The following UGT1A8 variants were observed in gnomAD, a reference collection of about 807,000 sequenced individuals.
The protein encoded by UGT1A8 is UDP glucuronosyltransferase family 1 member A8, also known as UDP-glucuronosyltransferase 1A8.
In UGT1A8, 39 loss-of-function variants were observed where a neutral mutation model predicts 45.3. The observed-to-expected ratio is 0.86, with a 90% CI of 0.67 to 1.12. The LOEUF (loss-of-function observed/expected upper bound fraction) is 1.12. Among genes scored for constraint, UGT1A8 ranks in the 50% most tolerant of loss-of-function variants. UGT1A8 has a pLI of 0.00. For synonymous variants in UGT1A8, 275 were observed against 249.2 expected (o/e 1.10, Z -0.97); for missense variants, 719 against 664.9 (o/e 1.08, Z -0.90).
In UGT1A8 at chr2:233,672,159, G is replaced by A. The variant is rs41264153; in HGVS notation, c.855+53597G>A. ...GAAGATCACTGAATTGCACAGTGAAGACTTATTCAACTTCATATACCCTGG... is the reference window on the plus strand; with the variant it reads ...GAAGATCACTGAATTGCACAGTGAAAACTTATTCAACTTCATATACCCTGG... On this transcript the variant is annotated intron_variant, in intron 1 of 4. Transcript: ENST00000373450. 12,138 of 1,614,202 alleles carry A rather than the reference G, an allele frequency of 7.5e-3. 71 individuals are homozygous for A. The highest frequency in any genetic ancestry group is 9.3e-3 in the Non-Finnish European group (11,018 of 1,180,026).
At chr2:233,763,733 T>C (rs528064995) in intron 1 of UGT1A8, among the ~76,000 whole-genome samples, 4 of 152,330 alleles carry the variant, frequency 2.6e-5, no homozygotes, top group South Asian at 4.1e-4. Flanking sequence ...CAACCTGGCA[T>C]TGGCGTGTCT....
At chr2:233,656,031 T>A (rs1262769336) in intron 1 of UGT1A8, among the ~76,000 whole-genome samples, 2 of 152,180 alleles carry the variant, frequency 1.3e-5, no homozygotes, top group East Asian at 3.9e-4. Flanking sequence ...CTCTGGCAAA[T>A]ACCAGAGACA....
intron 1 of UGT1A8, among the ~76,000 whole-genome samples, chr2:233,748,554 C>T (rs1045487950): frequency 2.0e-5 from 3 of 151,692 alleles, no homozygotes; most frequent in Non-Finnish European, 2.9e-5. Context: ...CCTAAGCACT[C>T]GCAGGAAGTA....
At chr2:233,736,010 G>A (rs1165111643) in intron 1 of UGT1A8, among the ~76,000 whole-genome samples, 2 of 152,178 alleles carry the variant, frequency 1.3e-5, no homozygotes, top group East Asian at 1.9e-4. Flanking sequence ...TTCTCGAGGA[G>A]TATCTTTGTG....
At chr2:233,619,990 A>T (rs1575380716) in intron 1 of UGT1A8, among the ~76,000 whole-genome samples, 1 of 152,206 alleles carries the variant, frequency 6.6e-6, no homozygotes, top group East Asian at 1.9e-4. Context: ...GCAAACGCAT[A>T]GTTGCTAAAT....
chr2:233,648,065 C>G, intron 1 of UGT1A8: 1 of 1,567,620 alleles, frequency 6.4e-7, no homozygotes, highest in South Asian at 1.2e-5. Context: ...GTGAAGACTT[C>G]TTCAACCTTA....
chr2:233,682,234 G>C (rs776939121), intron 1 of UGT1A8: 2 of 1,614,164 alleles, frequency 1.2e-6, no homozygotes, highest in East Asian at 4.5e-5. Context: ...CTCGCTGGAC[G>C]GCACCATTGC....
At chr2:233,716,461 A>G (rs2076505023) in intron 1 of UGT1A8, among the ~76,000 whole-genome samples, 1 of 151,896 alleles carries the variant, frequency 6.6e-6, no homozygotes, top group Non-Finnish European at 1.5e-5. Context: ...TTTAAATTTA[A>G]TTTTTGTTTC....
At chr2:233,685,374 T>A (rs1452490457) in intron 1 of UGT1A8, among the ~76,000 whole-genome samples, 1 of 152,178 alleles carries the variant, frequency 6.6e-6, no homozygotes, top group Non-Finnish European at 1.5e-5. Flanking sequence ...TCACTTCCAC[T>A]TTTCTTGACT....
At chr2:233,658,170 C>T (rs962000535) in intron 1 of UGT1A8, among the ~76,000 whole-genome samples, 1 of 151,920 alleles carries the variant, frequency 6.6e-6, no homozygotes, top group African/African-American at 2.4e-5. Flanking sequence ...AGGTGCACAC[C>T]ACCATGCCCA....
chr2:233,772,116 AAACAAC>A, intron 4 of UGT1A8, 140 bp from the exon 5 acceptor site: 1 of 1,531,302 alleles, frequency 6.5e-7, no homozygotes, highest in Non-Finnish European at 8.8e-7. Context: ...CTGTATCTAA[AAACAAC>A]AACAACAACA....
At chr2:233,667,112 G>A (rs549701191) in intron 1 of UGT1A8, among the ~76,000 whole-genome samples, 141 of 152,152 alleles carry the variant, frequency 9.3e-4, no homozygotes, top group Non-Finnish European at 1.5e-3. Context: ...ATAAACATAC[G>A]TGTGCATGTG....
At chr2:233,626,637 T>C (rs1201567046) in intron 1 of UGT1A8, among the ~76,000 whole-genome samples, 1 of 152,082 alleles carries the variant, frequency 6.6e-6, no homozygotes, top group Non-Finnish European at 1.5e-5. Context: ...GCATCTTCAA[T>C]GGTGTAATCC....
At chr2:233,682,907 T>C in intron 1 of UGT1A8, 1 of 1,496,792 alleles carries the variant, frequency 6.7e-7, no homozygotes, top group Non-Finnish European at 8.8e-7. Flanking sequence ...TTCTTTCTGG[T>C]TTAAGGAATT....
intron 1 of UGT1A8, chr2:233,671,853 GGTTTTGTGCT>G (rs2125501050): frequency 6.6e-7 from 1 of 1,510,124 alleles, no homozygotes; most frequent in East Asian, 2.3e-5. Context: ...ATTGGGGTCA[GGTTTTGTGCT>G]GGTATTTCTC....
intron 1 of UGT1A8, among the ~76,000 whole-genome samples, chr2:233,626,269 C>A (rs1044986641): frequency 6.6e-6 from 1 of 151,968 alleles, no homozygotes; most frequent in African/African-American, 2.4e-5. Context: ...TCTTAAATAA[C>A]TGGAAGCCTT....
chr2:233,690,596 A>C (rs1009187334), intron 1 of UGT1A8: 3 of 1,289,658 alleles, frequency 2.3e-6, no homozygotes, highest in Admixed American at 2.3e-5. Context: ...GAGAAAAAAA[A>C]AAAATCGGCC....
At chr2:233,751,564 T>G (rs1694753266) in intron 1 of UGT1A8, among the ~76,000 whole-genome samples, 2 of 152,188 alleles carry the variant, frequency 1.3e-5, no homozygotes, top group Non-Finnish European at 2.9e-5. Context: ...CATCTCAAAT[T>G]GTAATCTCCA....
At chr2:233,734,842 C>T (rs1375644897) in intron 1 of UGT1A8, among the ~76,000 whole-genome samples, 1 of 152,178 alleles carries the variant, frequency 6.6e-6, no homozygotes, top group Non-Finnish European at 1.5e-5. Flanking sequence ...GTTTCTTAAT[C>T]CAGAGTTCTA....
Sources: allele counts gnomAD v4.1 joint callset (sites outside exome capture counted in the v4.1 genomes callset), GRCh38; gene constraint gnomAD v4.1.1; transcripts MANE v1.5; gene names NCBI Gene and HGNC (gene_info 2026-07-23, HGNC 2026-07-21).